MCC: variants seen among roughly 807,000 people sequenced by gnomAD.
MCC encodes colorectal mutant cancer protein.
MCC carries 90 observed loss-of-function variants against 116.2 expected under a neutral mutation model. That is an observed-to-expected ratio of 0.77 (90% confidence interval 0.65 to 0.92). MCC has a LOEUF of 0.92. Among genes scored for constraint, MCC ranks in the 40% least tolerant of loss-of-function variants. MCC has a pLI of 0.00. For synonymous variants in MCC, 578 were observed against 510.5 expected, an observed-to-expected ratio of 1.13 and a Z score of -1.78; for missense variants, 1,516 against 1,312.2, an observed-to-expected ratio of 1.16 and a Z score of -2.40.
intron 1 of MCC, among the ~76,000 whole-genome samples, chr5:113,456,623 ATTTTTTTTTTTT>A (rs34111159): frequency 5.9e-5 from 3 of 51,066 alleles, no homozygotes; most frequent in African/African-American, 1.5e-4. Context: ...TGCCCAGCTA[ATTTTTTTTTTTT>A]TTTTTTTTTT....
chr5:113,355,943 G>A (rs1228997977), intron 2 of MCC, among the ~76,000 whole-genome samples: 2 of 152,086 alleles, frequency 1.3e-5, no homozygotes, highest in Admixed American at 1.3e-4. Flanking sequence ...ATCCCTGTAA[G>A]TAGACATCCA....
intron 1 of MCC, among the ~76,000 whole-genome samples, chr5:113,386,115 T>C (rs934743443): frequency 3.3e-5 from 5 of 152,200 alleles, no homozygotes; most frequent in Admixed American, 6.5e-5. Flanking sequence ...ATTTTGCTCA[T>C]ATTCCTCCAA....
intron 3 of MCC, among the ~76,000 whole-genome samples, chr5:113,182,417 G>A (rs1241516815): frequency 6.6e-6 from 1 of 152,178 alleles, no homozygotes; most frequent in Non-Finnish European, 1.5e-5. Context: ...TATCTACTAT[G>A]CACCAGGCAT....
At chr5:113,091,921 A>G (rs1232546610) in intron 8 of MCC, among the ~76,000 whole-genome samples, 1 of 151,892 alleles carries the variant, frequency 6.6e-6, no homozygotes, top group Non-Finnish European at 1.5e-5. Flanking sequence ...ACACACACAC[A>G]CACACTGCCT....
At chr5:113,200,209 G>C (rs1762613987) in intron 3 of MCC, among the ~76,000 whole-genome samples, 2 of 152,006 alleles carry the variant, frequency 1.3e-5, no homozygotes, top group African/African-American at 4.8e-5. Context: ...AAACCTAATA[G>C]GAAAAAATAA....
chr5:113,469,412 C>T (rs1295233360), intron 1 of MCC, among the ~76,000 whole-genome samples: 1 of 152,114 alleles, frequency 6.6e-6, no homozygotes, highest in African/African-American at 2.4e-5. Context: ...CAAAGAACAT[C>T]TTTATTTCTG....
intron 2 of MCC, among the ~76,000 whole-genome samples, chr5:113,373,475 TGTCAAA>T (rs1234779036): frequency 3.3e-5 from 5 of 152,232 alleles, no homozygotes; most frequent in Admixed American, 6.5e-5. Flanking sequence ...CTGTCTTAGA[TGTCAAA>T]GTCATTTATT....
At chr5:113,463,681 A>AT (rs1476810554) in intron 1 of MCC, among the ~76,000 whole-genome samples, 1 of 152,182 alleles carries the variant, frequency 6.6e-6, no homozygotes, top group Non-Finnish European at 1.5e-5. Flanking sequence ...GCAGGAGATG[A>AT]TTTATAGGCA....
chr5:113,374,045 C>A (rs7717000), intron 2 of MCC, among the ~76,000 whole-genome samples: 28,380 of 151,964 alleles, frequency 0.19, 3,171 homozygotes, highest in Admixed American at 0.31. Flanking sequence ...CACAGGCCCA[C>A]AGGCGCATGC....
chr5:113,416,017 C>T (rs188389826), intron 1 of MCC, among the ~76,000 whole-genome samples: 13 of 152,276 alleles, frequency 8.5e-5, no homozygotes. Flanking sequence ...TTCCTTCTAA[C>T]AGTCAGGTCC....
intron 13 of MCC, among the ~76,000 whole-genome samples, chr5:113,066,991 T>A (rs1428131697): frequency 1.3e-5 from 2 of 152,208 alleles, no homozygotes; most frequent in African/African-American, 2.4e-5. Flanking sequence ...CCTTTCTCCT[T>A]GGGTCTCTCT....
chr5:113,212,488 T>A (rs903440659), intron 3 of MCC, among the ~76,000 whole-genome samples: 3 of 152,080 alleles, frequency 2.0e-5, no homozygotes, highest in African/African-American at 7.2e-5. Flanking sequence ...AAAAAAGATC[T>A]CACGTTGCAG....
intron 2 of MCC, among the ~76,000 whole-genome samples, chr5:113,382,148 G>GTTT (rs1301437597): frequency 1.3e-5 from 2 of 152,006 alleles, no homozygotes; most frequent in Non-Finnish European, 2.9e-5. Context: ...TCAAGAGAGG[G>GTTT]TTTCCCTCCA....
At chr5:113,099,027 C>T (rs1394562436) in intron 8 of MCC, among the ~76,000 whole-genome samples, 1 of 152,026 alleles carries the variant, frequency 6.6e-6, no homozygotes, top group Non-Finnish European at 1.5e-5. Context: ...AAATAAAGCA[C>T]ACTAGGTGGG....
intron 3 of MCC, among the ~76,000 whole-genome samples, chr5:113,190,678 A>T (rs1387852347): frequency 6.6e-6 from 1 of 152,220 alleles, no homozygotes; most frequent in Non-Finnish European, 1.5e-5. Flanking sequence ...ACAACAATAC[A>T]GAGATATCCG....
intron 12 of MCC, among the ~76,000 whole-genome samples, chr5:113,069,300 G>A (rs571173172): frequency 2.6e-5 from 4 of 152,344 alleles, no homozygotes; most frequent in African/African-American, 7.2e-5. Context: ...TTTCTAGGAG[G>A]AGGAAACATA....
chr5:113,049,395 A>G (rs1752342487), intron 15 of MCC, 96 bp from the exon 16 acceptor site: 2 of 987,892 alleles, frequency 2.0e-6, no homozygotes, highest in Non-Finnish European at 2.9e-6. Context: ...CCCGGCTATG[A>G]CCCACAGGCC....
At chr5:113,123,998 A>G (rs1291928968) in intron 5 of MCC, among the ~76,000 whole-genome samples, 4 of 152,224 alleles carry the variant, frequency 2.6e-5, no homozygotes, top group Non-Finnish European at 5.9e-5. Flanking sequence ...ACACATCTAT[A>G]AATCAGAGAA....
rs886473151 is a variant in MCC, at chr5:113,332,114, A to T, written c.627+8405T>A. Among the ~76,000 whole-genome samples, 6 of 151,786 alleles carry T rather than the reference A, an allele frequency of 4.0e-5. No homozygotes were observed. The South Asian group carries it at 6.2e-4, about 16-fold the overall frequency. On this transcript the variant is annotated intron_variant, in intron 3 of 18. Coordinates refer to ENST00000408903, the MANE Select transcript of MCC (RefSeq NM_001085377.2). The stretch of plus-strand genomic sequence containing the variant: ...CCTTGAAAGATCTCATTTCTTTAGA[A>T]TTTTTTTAGTTTCTATTTCCAAATA...
Sources: allele counts gnomAD v4.1 joint callset (sites outside exome capture counted in the v4.1 genomes callset), GRCh38; gene constraint gnomAD v4.1.1; transcripts MANE v1.5; gene names NCBI Gene and HGNC (gene_info 2026-07-23, HGNC 2026-07-21).